SPSB4: variants seen among roughly 807,000 people sequenced by gnomAD.
The protein encoded by SPSB4 is SPRY domain-containing SOCS box protein 4.
Under a neutral mutation model 20.9 loss-of-function variants are expected in SPSB4, and 21 were observed. The ratio of observed to expected loss-of-function variants is 1.01; its 90% CI spans 0.71 to 1.45. SPSB4 has a LOEUF of 1.45. SPSB4 is among the 40% of genes most tolerant of loss of function. SPSB4 has a pLI of 0.00. For synonymous variants in SPSB4, 207 were observed against 183.8 expected (o/e 1.13, Z -1.02); for missense variants, 399 against 399.2 (o/e 1.00, Z 0.00).
At position 141,053,887 on chromosome 3, in the gene SPSB4, T is replaced by C. The variant is rs571592479; in HGVS notation, c.-154+1895T>C. On this transcript the variant is annotated intron_variant, in intron 1 of 2. Transcript: ENST00000310546. The stretch of plus-strand genomic sequence containing the variant: ...TGATCCCAGGGGTCCTCAGGTCTGG[T>C]ACTGCCCTTCTCCACCTCTTCCTCA... Among the ~76,000 whole-genome samples the C allele has an allele frequency of 5.3e-5, 8 of 152,296 alleles. No individual in the cohort carries two copies. The South Asian group carries it at 1.7e-3, about 32-fold the overall frequency.
chr3:141,138,752 C>A (rs1939272508), intron 2 of SPSB4, among the ~76,000 whole-genome samples: 1 of 152,096 alleles, frequency 6.6e-6, no homozygotes, highest in Non-Finnish European at 1.5e-5. Flanking sequence ...GTTTTACTTC[C>A]AAGTATGTGG....
chr3:141,113,993 T>G lies in SPSB4; in HGVS notation c.695-33149T>G, dbSNP rs539577392. 1.1e-4 allele frequency among the ~76,000 whole-genome samples: 17 copies of G among 152,180 alleles called. No individual in the cohort carries two copies. The South Asian group carries it at 2.3e-3, about 20-fold the overall frequency. ...GTCCTGGCTACTTGAGAGGCTGAGG[T>G]GGGAGGATTCCTTGGGCTCAGAAAT... On this transcript the variant is annotated intron_variant, in intron 2 of 2. Transcript: ENST00000310546.
chr3:141,089,213 A>T (rs530984792), intron 2 of SPSB4, among the ~76,000 whole-genome samples: 3 of 152,226 alleles, frequency 2.0e-5, no homozygotes, highest in Non-Finnish European at 2.9e-5. Flanking sequence ...TGCTCTCTTC[A>T]GGTGGACGAG....
At chr3:141,104,915 G>A (rs1025451642) in intron 2 of SPSB4, among the ~76,000 whole-genome samples, 1 of 152,192 alleles carries the variant, frequency 6.6e-6, no homozygotes, top group South Asian at 2.1e-4. Context: ...GGGAAGGCCT[G>A]TCAGCCTGAG....
At position 141,073,272 on chromosome 3, in the gene SPSB4, G is replaced by A. The variant is rs185791435; in HGVS notation, c.694+6474G>A. ...TCACAGTAGGTTAATATTGATATGC[G>A]TTCCCTGAATTTCTGATTGCGGTGC... On this transcript the variant is annotated intron_variant, in intron 2 of 2. Transcript: ENST00000310546. 1.2e-3 allele frequency among the ~76,000 whole-genome samples: 182 copies of A among 152,330 alleles called. 1 individual carries two copies. The highest frequency in any genetic ancestry group is 4.0e-3 in the African/African-American group (166 of 41,572).
chr3:141,070,017 A>G (rs1218969434), intron 2 of SPSB4, among the ~76,000 whole-genome samples: 1 of 152,340 alleles, frequency 6.6e-6, no homozygotes, highest in Non-Finnish European at 1.5e-5. Flanking sequence ...TTGCAAATGC[A>G]TAACATTGTC....
intron 2 of SPSB4, among the ~76,000 whole-genome samples, chr3:141,143,612 T>C (rs971063130): frequency 2.6e-5 from 4 of 152,172 alleles, no homozygotes; most frequent in South Asian, 2.1e-4. Context: ...AGCAGTGAGA[T>C]TGTAATATGG....
intron 1 of SPSB4, among the ~76,000 whole-genome samples, chr3:141,058,119 G>A (rs1937692551): frequency 6.6e-6 from 1 of 152,164 alleles, no homozygotes; most frequent in African/African-American, 2.4e-5. Flanking sequence ...AATCCCCACA[G>A]CAGTCATGTC....
intron 2 of SPSB4, among the ~76,000 whole-genome samples, chr3:141,092,795 C>G (rs1559846981): frequency 6.6e-6 from 1 of 152,256 alleles, no homozygotes; most frequent in Non-Finnish European, 1.5e-5. Context: ...TATGGCAGTG[C>G]ACGCTCACTG....
chr3:141,102,545 G>A (rs1055754551), intron 2 of SPSB4, among the ~76,000 whole-genome samples: 4 of 152,074 alleles, frequency 2.6e-5, no homozygotes, highest in African/African-American at 9.7e-5. Flanking sequence ...GAAGAAAAAG[G>A]TATTCTAGGC....
rs182226368 is a variant in SPSB4 at position 141,144,524 on chromosome 3, T to C, written c.695-2618T>C. Among the ~76,000 whole-genome samples the C allele has an allele frequency of 1.1e-3, 173 of 152,348 alleles. 1 individual carries two copies. Among genetic ancestry groups the C allele is most frequent in the African/African-American group, 4.0e-3 (167 of 41,578 alleles). ...GCCAAGAGAATGGGCGCAGCCAACG[T>C]TGGGCACTCTCCGAGCTCTTAAAGT... On this transcript the variant is annotated intron_variant, in intron 2 of 2. Transcript: ENST00000310546.
intron 2 of SPSB4, among the ~76,000 whole-genome samples, chr3:141,104,187 T>A (rs1938653824): frequency 6.6e-6 from 1 of 152,086 alleles, no homozygotes; most frequent in East Asian, 1.9e-4. Flanking sequence ...ACAGAGGGAC[T>A]GGGCCGAGAG....
chr3:141,083,046 C>G (rs1938269856), intron 2 of SPSB4, among the ~76,000 whole-genome samples: 1 of 151,740 alleles, frequency 6.6e-6, no homozygotes, highest in South Asian at 2.1e-4. Context: ...TGAGCTGCAC[C>G]AGGCTTTCTA....
At chr3:141,055,953 G>T (rs553800464) in intron 1 of SPSB4, among the ~76,000 whole-genome samples, 3 of 152,336 alleles carry the variant, frequency 2.0e-5, no homozygotes, top group Admixed American at 6.5e-5. Flanking sequence ...CTGGAGACCC[G>T]GCTTGAGAGT....
At chr3:141,129,479 T>C (rs898532427) in intron 2 of SPSB4, among the ~76,000 whole-genome samples, 1 of 152,236 alleles carries the variant, frequency 6.6e-6, no homozygotes, top group African/African-American at 2.4e-5. Context: ...TTGCTTGATT[T>C]CTCCACCATC....
chr3:141,111,101 A>G (rs532063052), intron 2 of SPSB4, among the ~76,000 whole-genome samples: 1 of 152,350 alleles, frequency 6.6e-6, no homozygotes, highest in South Asian at 2.1e-4. Context: ...AGCCTCATTT[A>G]TTTGTTAAAT....
intron 2 of SPSB4, among the ~76,000 whole-genome samples, chr3:141,117,503 T>C (rs1032573558): frequency 6.6e-6 from 1 of 152,236 alleles, no homozygotes; most frequent in African/African-American, 2.4e-5. Context: ...GTTCTCTTTC[T>C]CTGTTTTTAT....
At chr3:141,095,790 G>A (rs1262305869) in intron 2 of SPSB4, among the ~76,000 whole-genome samples, 4 of 152,202 alleles carry the variant, frequency 2.6e-5, no homozygotes, top group Non-Finnish European at 5.9e-5. Context: ...GGAGGCCCAG[G>A]GAGGAGATGT....
chr3:141,104,628 AG>A (rs1201867042), intron 2 of SPSB4, among the ~76,000 whole-genome samples: 7 of 152,198 alleles, frequency 4.6e-5, no homozygotes, highest in African/African-American at 1.7e-4. Flanking sequence ...GGCCGGTGTC[AG>A]GCAGGCAGTG....
Sources: gnomAD v4.1 joint callset for allele counts (sites outside exome capture counted in the v4.1 genomes callset) on GRCh38, gnomAD v4.1.1 for gene constraint, MANE v1.5 for transcripts, NCBI Gene and HGNC (gene_info 2026-07-23, HGNC 2026-07-21) for gene names.